The following RRAS2 variants were observed in gnomAD, a reference collection of about 807,000 sequenced individuals.
The protein encoded by RRAS2 is RAS related 2, also known as ras-related protein R-Ras2.
RRAS2 carries 7 observed loss-of-function variants against 27.6 expected under a neutral mutation model. The observed-to-expected ratio is 0.25, with a 90% confidence interval of 0.14 to 0.48. The LOEUF (loss-of-function observed/expected upper bound fraction) is 0.48, where lower values mean the gene tolerates loss of function less well. RRAS2 is among the 20% of genes least tolerant of loss of function. RRAS2 has a pLI of 0.99. For missense variants in RRAS2, 178 were observed against 256.2 expected (o/e 0.69, Z 2.08); for synonymous variants, 86 against 90.9 (o/e 0.95, Z 0.31).
At chr11:14,360,696 C>A (rs1179490280), upstream of RRAS2, among the ~76,000 whole-genome samples, 1 of 152,110 alleles carries the variant, frequency 6.6e-6, no homozygotes, top group African/African-American at 2.4e-5. Context: ...CCAAGGCGGG[C>A]GGATCGCTTG....
intron 4 of RRAS2, among the ~76,000 whole-genome samples, chr11:14,292,408 C>T (rs906936599): frequency 4.6e-5 from 7 of 152,028 alleles, no homozygotes; most frequent in African/African-American, 7.2e-5. Flanking sequence ...CAAAAGTCAG[C>T]GAGAGATAGG....
At chr11:14,346,451 A>C (rs1392888343) in intron 1 of RRAS2, among the ~76,000 whole-genome samples, 1 of 152,232 alleles carries the variant, frequency 6.6e-6, no homozygotes, top group Non-Finnish European at 1.5e-5. Context: ...ACACCTAGTG[A>C]AGTTATTTCT....
chr11:14,322,810 C>G (rs1213638337), intron 1 of RRAS2, among the ~76,000 whole-genome samples: 2 of 152,020 alleles, frequency 1.3e-5, no homozygotes, highest in African/African-American at 4.8e-5. Context: ...AAATCACAAA[C>G]AAGTGAGCAA....
rs57730782 is a variant in RRAS2 at position 14,302,073 on chromosome 11, T to TACACACACACACACACACACACAC, written c.109-6242_109-6219dup. 3.1e-3 allele frequency among the ~76,000 whole-genome samples: 436 copies of TACACACACACACACACACACACAC among 142,468 alleles called. 9 individuals are homozygous for TACACACACACACACACACACACAC. Among genetic ancestry groups the TACACACACACACACACACACACAC allele is most frequent in the East Asian group, 4.7e-3 (22 of 4,722 alleles). 93.5% of individuals were successfully genotyped at this position (142,468 alleles called of 152,430 possible). On this transcript the variant is annotated intron_variant, in intron 1 of 5. Coordinates refer to ENST00000256196, the MANE Select transcript of RRAS2 (RefSeq NM_012250.6). Reference sequence around the variant, plus strand: ...ACAAGGAGTAAATGTACCACACACATACACACACACACACACACACACACA... The same window carrying TACACACACACACACACACACACAC: ...ACAAGGAGTAAATGTACCACACACATACACACACACACACACACACACACACACACACACACACACACACACACA...
intron 1 of RRAS2, among the ~76,000 whole-genome samples, chr11:14,344,196 A>T (rs782603839): frequency 5.3e-5 from 8 of 152,198 alleles, no homozygotes; most frequent in East Asian, 1.9e-4. Context: ...TGGCATGGAA[A>T]TTCCATGCCA....
intron 1 of RRAS2, among the ~76,000 whole-genome samples, chr11:14,322,340 T>A (rs1272821595): frequency 6.6e-6 from 1 of 151,458 alleles, no homozygotes; most frequent in Non-Finnish European, 1.5e-5. Flanking sequence ...CTTGGGAGGC[T>A]AAACTACGAG....
intron 4 of RRAS2, among the ~76,000 whole-genome samples, chr11:14,290,318 C>G (rs1394334918): frequency 6.6e-6 from 1 of 152,016 alleles, no homozygotes; most frequent in Non-Finnish European, 1.5e-5. Flanking sequence ...GCATGGTGGC[C>G]CATGCCTGTA....
At chr11:14,337,961 T>C (rs868977290) in intron 1 of RRAS2, among the ~76,000 whole-genome samples, 4 of 152,100 alleles carry the variant, frequency 2.6e-5, no homozygotes, top group Admixed American at 1.3e-4. Context: ...GGAAAAAACA[T>C]GGTTAGCAAA....
At chr11:14,361,164 A>G (rs1440605667), upstream of RRAS2, among the ~76,000 whole-genome samples, 6 of 150,116 alleles carry the variant, frequency 4.0e-5, no homozygotes, top group African/African-American at 1.5e-4. Context: ...GTACACGCCT[A>G]TAGTCCCAGC....
At chr11:14,315,304 G>C (rs578168540) in intron 1 of RRAS2, among the ~76,000 whole-genome samples, 2 of 152,282 alleles carry the variant, frequency 1.3e-5, no homozygotes, top group South Asian at 4.1e-4. Context: ...GATATAATGT[G>C]ATGAAAACGG....
chr11:14,311,657 G>A (rs1280949849), intron 1 of RRAS2, among the ~76,000 whole-genome samples: 4 of 152,020 alleles, frequency 2.6e-5, no homozygotes, highest in Non-Finnish European at 5.9e-5. Flanking sequence ...ACGAGCCACT[G>A]CGCCTGGCAA....
chr11:14,333,776 T>C (rs1554952205), intron 1 of RRAS2, among the ~76,000 whole-genome samples: 19 of 151,968 alleles, frequency 1.3e-4, no homozygotes, highest in Non-Finnish European at 1.5e-5. Context: ...CCCAAGTAGC[T>C]GCAACCACGG....
intron 1 of RRAS2, among the ~76,000 whole-genome samples, chr11:14,349,312 C>T (rs1160810671): frequency 1.3e-5 from 2 of 151,416 alleles, no homozygotes; most frequent in African/African-American, 2.4e-5. Context: ...CCACCACACC[C>T]GGCTAATTTT....
intron 4 of RRAS2, among the ~76,000 whole-genome samples, chr11:14,293,567 C>T (rs1001529263): frequency 5.9e-5 from 9 of 152,022 alleles, no homozygotes; most frequent in African/African-American, 1.5e-4. Flanking sequence ...TTTCCCCCAT[C>T]CTGTTCTCGG....
At chr11:14,330,548 C>T (rs920724734) in intron 1 of RRAS2, among the ~76,000 whole-genome samples, 34 of 152,166 alleles carry the variant, frequency 2.2e-4, no homozygotes, top group African/African-American at 6.7e-4. Context: ...GTTGGGGGAA[C>T]ACCATACTCA....
chr11:14,316,733 C>T (rs1415291710), intron 1 of RRAS2, among the ~76,000 whole-genome samples: 4 of 152,156 alleles, frequency 2.6e-5, no homozygotes, highest in African/African-American at 4.8e-5. Context: ...CAAAATAAGA[C>T]CCTGTTTCAA....
At position 14,287,242 on chromosome 11, in the gene RRAS2, A is replaced by G. The variant is rs1849684323; in HGVS notation, c.409-5522T>C. Among the ~76,000 whole-genome samples the G allele has an allele frequency of 2.0e-5, 3 of 152,332 alleles. No homozygotes were observed. The South Asian group carries it at 6.2e-4, about 32-fold the overall frequency. On this transcript the variant is annotated intron_variant, in intron 4 of 5. Coordinates refer to ENST00000256196, the MANE Select transcript of RRAS2 (RefSeq NM_012250.6). Reference sequence around the variant, plus strand: ...GTCATCATGTCCTCTGAGGCTAGGAAGTTAAGACAGGTTTGTCTTTGTACA... The same window carrying G: ...GTCATCATGTCCTCTGAGGCTAGGAGGTTAAGACAGGTTTGTCTTTGTACA...
intron 1 of RRAS2, among the ~76,000 whole-genome samples, chr11:14,342,269 G>A (rs1848727670): frequency 6.6e-6 from 1 of 152,158 alleles, no homozygotes; most frequent in South Asian, 2.1e-4. Flanking sequence ...TCTGTAGTGA[G>A]AAGAGGATCA....
At chr11:14,311,802 C>T (rs1021266546) in intron 1 of RRAS2, among the ~76,000 whole-genome samples, 4 of 152,030 alleles carry the variant, frequency 2.6e-5, no homozygotes, top group South Asian at 2.1e-4. Flanking sequence ...CTGCAAACTA[C>T]GAAAGTTACA....
Sources: allele counts gnomAD v4.1 joint callset (sites outside exome capture counted in the v4.1 genomes callset), GRCh38; gene constraint gnomAD v4.1.1; transcripts MANE v1.5; gene names NCBI Gene and HGNC (gene_info 2026-07-23, HGNC 2026-07-21).